Variants in LYRM7 observed in about 807,000 individuals in gnomAD.
LYRM7 encodes complex III assembly factor LYRM7.
Under a neutral mutation model 15.8 loss-of-function variants are expected in LYRM7, and 9 were observed. That is an observed-to-expected ratio of 0.57 (90% CI 0.34 to 0.99). The LOEUF is 0.99. LYRM7 is among the 50% of genes least tolerant of loss of function. The pLI, the probability that LYRM7 is intolerant of heterozygous loss-of-function variation, is 0.02. For synonymous variants in LYRM7, 39 were observed against 39.4 expected (o/e 0.99, Z 0.04); for missense variants, 115 against 119.1 (o/e 0.97, Z 0.16).
chr5:131,183,783 AG>A, intron 3 of LYRM7, among the ~76,000 whole-genome samples: 1 of 152,234 alleles, frequency 6.6e-6, no homozygotes, highest in South Asian at 2.1e-4. Context: ...GACCCCAAAA[AG>A]CTTTGTTTAT....
At chr5:131,181,381 A>ATATATTAT (rs552588384) in intron 2 of LYRM7, among the ~76,000 whole-genome samples, 26 of 76,450 alleles carry the variant, frequency 3.4e-4, no homozygotes, top group African/African-American at 2.0e-3. Flanking sequence ...ATGTATATAT[A>ATATATTAT]ATATATACAT....
At position 131,203,235 on chromosome 5, in the gene LYRM7, C is replaced by A. The variant is rs1050288631; in HGVS notation, c.*3634C>A. On this transcript the variant is annotated 3_prime_UTR_variant, in exon 5 of 5. Coordinates refer to ENST00000379380, the MANE Select transcript of LYRM7 (RefSeq NM_181705.4). Reference sequence around the variant, plus strand: ...TTACTGTATATCAGTTGTCACCAATCAGAAATGGAAAACAGATCCTATTTA... The same window carrying A: ...TTACTGTATATCAGTTGTCACCAATAAGAAATGGAAAACAGATCCTATTTA... 6.6e-6 allele frequency: 1 copy of A among 152,248 alleles called. No individual in the cohort carries two copies. The highest frequency in any genetic ancestry group is 2.4e-5 in the African/African-American group (1 of 41,412). The allele number at this position is 152,248 out of a possible 1,614,324, so 9.4% of individuals were successfully genotyped here.
At chr5:131,186,766 A>G (rs1431452405) in intron 3 of LYRM7, among the ~76,000 whole-genome samples, 1 of 152,240 alleles carries the variant, frequency 6.6e-6, no homozygotes, top group East Asian at 1.9e-4. Context: ...TTCACATCCC[A>G]GACAGGCTGG....
In LYRM7 at chr5:131,201,021, A is replaced by G. The variant is rs1756053202; in HGVS notation, c.*1420A>G. 6.6e-6 allele frequency: 1 copy of G among 152,066 alleles called. No individual in the cohort carries two copies. Among genetic ancestry groups the G allele is most frequent in the Non-Finnish European group, 1.5e-5 (1 of 68,014 alleles). The allele number at this position is 152,066 out of a possible 1,614,324, so 9.4% of individuals were successfully genotyped here. ...AAGATAGTGGCTTAGAAATTTTAAG[A>G]TATATTGATATAGGCCCGGGCGCTG... is the stretch of plus-strand genomic sequence containing the variant. On this transcript the variant is annotated 3_prime_UTR_variant, in exon 5 of 5. Transcript: ENST00000379380.
intron 4 of LYRM7, among the ~76,000 whole-genome samples, chr5:131,188,158 G>A (rs1386584461): frequency 6.6e-6 from 1 of 152,126 alleles, no homozygotes; most frequent in Non-Finnish European, 1.5e-5. Context: ...TAGGGAGGCT[G>A]AGGTGGGAGG....
chr5:131,180,133 A>G lies in LYRM7; in HGVS notation c.57A>G (p.Gln19=), dbSNP rs755715333. Residue 19 remains glutamine, a synonymous_variant, in exon 2 of 5, where the codon CAA becomes CAG. Transcript: ENST00000379380. ...QLFKTLHRTR[Q]QVFKNDARAL... The stretch of plus-strand genomic sequence containing the variant: ...TTAAAACACTGCACAGGACCAGACA[A>G]CAAGTTTTTAAAAATGATGCCAGAG... The G allele has an allele frequency of 6.2e-7, 1 of 1,613,044 alleles. No homozygotes were observed.
intron 1 of LYRM7, among the ~76,000 whole-genome samples, chr5:131,179,349 CA>C (rs1353689794): frequency 6.6e-6 from 1 of 150,996 alleles, no homozygotes; most frequent in African/African-American, 2.4e-5. Context: ...GTCTATGAAA[CA>C]AACAGAAAAG....
chr5:131,180,115 A>G lies in LYRM7; in HGVS notation c.39A>G (p.Thr13=). The G allele has an allele frequency of 1.2e-6, 2 of 1,612,836 alleles. No homozygotes were observed. The highest frequency in any genetic ancestry group is 1.7e-6 in the Non-Finnish European group (2 of 1,179,094). The part of the protein sequence containing the change: ...RAVKVLQLFK[T]LHRTRQQVFK... ...AACAGGTTTTACAGCTCTTTAAAAC[A>G]CTGCACAGGACCAGACAACAAGTTT... The change falls in exon 2 of 5, where the codon ACA becomes ACG. Residue 13 remains threonine, a synonymous_variant. Transcript: ENST00000379380.
intron 3 of LYRM7, among the ~76,000 whole-genome samples, chr5:131,186,637 G>A (rs534671551): frequency 6.3e-4 from 96 of 152,244 alleles, no homozygotes; most frequent in Non-Finnish European, 9.8e-4. Flanking sequence ...AGTAAAATAA[G>A]AGTTACTTGA....
At chr5:131,177,536 A>G (rs905460450) in intron 1 of LYRM7, among the ~76,000 whole-genome samples, 35 of 152,198 alleles carry the variant, frequency 2.3e-4, no homozygotes, top group African/African-American at 7.2e-4. Context: ...CAAAACTTGA[A>G]TATGTTATTC....
intron 1 of LYRM7, 78 bp downstream of exon 1, chr5:131,171,116 T>C (rs1431291062): frequency 1.2e-5 from 16 of 1,381,780 alleles, no homozygotes; most frequent in Non-Finnish European, 1.5e-5. Context: ...CTGTCTGGAG[T>C]CTCTGGAGGC....
chr5:131,197,884 G>C (rs1212007819), intron 4 of LYRM7, among the ~76,000 whole-genome samples: 1 of 124,238 alleles, frequency 8.0e-6, no homozygotes, highest in South Asian at 2.5e-4. Context: ...GTGTGTGTGT[G>C]TAAATATATA....
At chr5:131,181,192 G>A (rs1755684964) in intron 2 of LYRM7, among the ~76,000 whole-genome samples, 3 of 139,072 alleles carry the variant, frequency 2.2e-5, no homozygotes, top group Admixed American at 1.6e-4. Context: ...GAGGAGAATT[G>A]CTTGAACCCA....
At chr5:131,173,934 A>G (rs1354244638) in intron 1 of LYRM7, among the ~76,000 whole-genome samples, 1 of 152,174 alleles carries the variant, frequency 6.6e-6, no homozygotes, top group Non-Finnish European at 1.5e-5. Context: ...GACTGTGACA[A>G]TTTCTTAAAA....
intron 2 of LYRM7, among the ~76,000 whole-genome samples, chr5:131,181,381 A>ATACAT (rs552588384): frequency 1.3e-5 from 1 of 76,474 alleles, no homozygotes; most frequent in Non-Finnish European, 2.2e-5. Flanking sequence ...ATGTATATAT[A>ATACAT]ATATATACAT....
intron 1 of LYRM7, among the ~76,000 whole-genome samples, chr5:131,174,473 T>G (rs938775778): frequency 2.0e-5 from 3 of 152,234 alleles, no homozygotes; most frequent in Non-Finnish European, 4.4e-5. Flanking sequence ...GAATGGTGAA[T>G]CCTTCCCAGG....
intron 1 of LYRM7, among the ~76,000 whole-genome samples, chr5:131,174,530 T>C (rs957986126): frequency 7.2e-5 from 11 of 152,342 alleles, no homozygotes; most frequent in African/African-American, 2.6e-4. Flanking sequence ...AATCACTGTC[T>C]ATGGCAGCTA....
At chr5:131,192,433 C>G (rs910509617) in intron 4 of LYRM7, among the ~76,000 whole-genome samples, 72 of 151,938 alleles carry the variant, frequency 4.7e-4, no homozygotes, top group African/African-American at 1.7e-3. Flanking sequence ...TTGAATATTC[C>G]TAACACAAAG....
In LYRM7 at chr5:131,199,878, A is replaced by G. The variant is rs963364267; in HGVS notation, c.*277A>G. The G allele has an allele frequency of 2.3e-5, 5 of 214,476 alleles. No individual in the cohort carries two copies. The highest frequency in any genetic ancestry group is 1.4e-4 in the South Asian group (1 of 6,996). The allele number at this position is 214,476 out of a possible 1,614,324, so 13.3% of individuals were successfully genotyped here. A position where few individuals can be genotyped will look rare whatever the true frequency, so the allele number is the denominator to read the frequency against. Reference sequence around the variant, plus strand: ...GTAAATGCTTAGGGAGATATATTCAATCTTTGACCTTGATGAGTATTTGAT... The same window carrying G: ...GTAAATGCTTAGGGAGATATATTCAGTCTTTGACCTTGATGAGTATTTGAT... On this transcript the variant is annotated 3_prime_UTR_variant, in exon 5 of 5. Transcript: ENST00000379380.
Sources: gnomAD v4.1 joint callset for allele counts (sites outside exome capture counted in the v4.1 genomes callset) on GRCh38, gnomAD v4.1.1 for gene constraint, MANE v1.5 for transcripts, NCBI Gene and HGNC (gene_info 2026-07-23, HGNC 2026-07-21) for gene names.